The following PRMT5 variants were observed in gnomAD, a reference collection of about 807,000 sequenced individuals.
The protein encoded by PRMT5 is protein arginine methyltransferase 5, also known as protein arginine N-methyltransferase 5.
Under a neutral mutation model 84.0 loss-of-function variants are expected in PRMT5, and 15 were observed. The ratio of observed to expected loss-of-function variants is 0.18; its 90% confidence interval spans 0.12 to 0.28. The LOEUF is 0.28. Among genes scored for constraint, PRMT5 ranks in the 10% least tolerant of loss-of-function variants. The pLI, the probability that PRMT5 is intolerant of heterozygous loss-of-function variation, is 1.00. For synonymous variants in PRMT5, 276 were observed against 292.4 expected (o/e 0.94, Z 0.57); for missense variants, 486 against 808.0 (o/e 0.60, Z 4.83).
At position 22,924,198 on chromosome 14, in the gene PRMT5, A is replaced by G. The variant is rs753011846; in HGVS notation, c.1200-15T>C. 2.7e-5 allele frequency: 43 copies of G among 1,610,704 alleles called. No individual in the cohort carries two copies. The East Asian group carries it at 9.4e-4, about 35-fold the overall frequency. The stretch of plus-strand genomic sequence containing the variant: ...AGTTCTCTAGCCTGAAACAGAGACA[A>G]TAAGGTAAGGAGAGATGTTAAGGAA... On this transcript the variant is annotated splice_polypyrimidine_tract_variant and intron_variant, in intron 11 of 16. Transcript: ENST00000324366. This position sits in a 1 kb window ranked among gnomAD's most constrained non-coding sequence, Gnocchi z 6.5.
rs2044329755 is a variant in PRMT5, at chr14:22,922,738, C to T, written c.1579+4G>A. 4 of 1,613,532 alleles carry T rather than the reference C, an allele frequency of 2.5e-6. No homozygotes were observed. The highest frequency in any genetic ancestry group is 3.4e-6 in the Non-Finnish European group (4 of 1,179,662). On this transcript the variant is annotated splice_donor_region_variant and intron_variant, in intron 14 of 16. Transcript: ENST00000324366. ...AGTCAGAGGACAGCCATAAAAGAAC[C>T]TACCTCTGTTGGGATGGCTGAAGGT...
chr14:22,924,366 C>T lies in PRMT5; in HGVS notation c.1103G>A (p.Arg368Gln), dbSNP rs2139230176. ...CAGGGAAGCGTTCACCAGGGGTCCCCGTCCTGCTCCCAGCACCATCAGTAC... is the reference window on the plus strand; with the variant it reads ...CAGGGAAGCGTTCACCAGGGGTCCCTGTCCTGCTCCCAGCACCATCAGTAC... ...VQVLMVLGAG[R>Q]GPLVNASLRA... The change falls in exon 11 of 17, where the codon CGG (arginine) becomes CAG (glutamine). Residue 368 changes from arginine to glutamine, a missense_variant. Arg to Gln is a conservative substitution (Grantham distance 43). Coordinates refer to ENST00000324366, the MANE Select transcript of PRMT5 (RefSeq NM_006109.5). The surrounding 1 kb of genome is among the most constrained non-coding windows in gnomAD (Gnocchi z 6.5). 6 of 1,614,034 alleles carry T rather than the reference C, an allele frequency of 3.7e-6. No individual in the cohort carries two copies. Among genetic ancestry groups the T allele is most frequent in the Non-Finnish European group, 5.1e-6 (6 of 1,180,006 alleles).
Position 22,926,047 on chromosome 14 carries a change from C to G in PRMT5, c.777+86G>C. On this transcript the variant is annotated intron_variant, in intron 7 of 16. Transcript: ENST00000324366. ...TCCCCAGAAACCAAAGAAAAAGAGT[C>G]AGCCTCACAGGAAAAAACGATCATA... 2.2e-6 allele frequency: 3 copies of G among 1,357,742 alleles called. No individual in the cohort carries two copies. In the South Asian group the frequency reaches 4.5e-5, roughly 20 times the overall value. 84.1% of individuals were successfully genotyped at this position (1,357,742 alleles called of 1,614,324 possible). A position where few individuals can be genotyped will look rare whatever the true frequency, so the allele number is the denominator to read the frequency against.
chr14:22,924,632 C>T lies in PRMT5; in HGVS notation c.1017G>A (p.Gln339=). 6.2e-7 allele frequency: 1 copy of T among 1,614,000 alleles called. No homozygotes were observed. The highest frequency in any genetic ancestry group is 2.2e-5 in the East Asian group (1 of 44,884). The change falls in exon 9 of 17, where the codon CAG becomes CAA. Residue 339 remains glutamine, a splice_region_variant and synonymous_variant. Transcript: ENST00000324366. The surrounding 1 kb of genome is among the most constrained non-coding windows in gnomAD (Gnocchi z 6.5). ...CCTCACCCTGGGCACCACACAGTACCTGCTGGTACTGAGAGTATTTGATGG... is the reference window on the plus strand; with the variant it reads ...CCTCACCCTGGGCACCACACAGTACTTGCTGGTACTGAGAGTATTTGATGG... ...KDPIKYSQYQ[Q]AIYKCLLDRV... is the part of the protein sequence containing the mutation.
Position 22,920,587 on chromosome 14 carries a change from G to C in PRMT5, c.*317C>G, listed in dbSNP as rs45536732. On this transcript the variant is annotated 3_prime_UTR_variant, in exon 17 of 17. Coordinates refer to ENST00000324366, the MANE Select transcript of PRMT5 (RefSeq NM_006109.5). ...CTCTTACACAAAACCATCAAAACAA[G>C]AACAGAAAAAGGCTGAAAATCCGTT... 15,206 of 555,432 alleles carry C rather than the reference G, an allele frequency of 0.027. 280 individuals are homozygous for C. The highest frequency in any genetic ancestry group is 0.047 in the South Asian group (3,005 of 64,330). 34.4% of individuals were successfully genotyped at this position (555,432 alleles called of 1,614,324 possible). A position where few individuals can be genotyped will look rare whatever the true frequency, so the allele number is the denominator to read the frequency against.
chr14:22,928,813 C>T lies in PRMT5; in HGVS notation c.111-198G>A, dbSNP rs2044482589. Among the ~76,000 whole-genome samples the T allele has an allele frequency of 1.3e-5, 2 of 152,146 alleles. No homozygotes were observed. Among genetic ancestry groups the T allele is most frequent in the Non-Finnish European group, 2.9e-5 (2 of 68,028 alleles). ...CCTCAATTTCTCCCTAAAACACAGCCATGGGACATATGAGTAAGGAGAAAA... is the reference window on the plus strand; with the variant it reads ...CCTCAATTTCTCCCTAAAACACAGCTATGGGACATATGAGTAAGGAGAAAA... On this transcript the variant is annotated intron_variant, in intron 1 of 16. Transcript: ENST00000324366. The surrounding 1 kb of genome is among the most constrained non-coding windows in gnomAD (Gnocchi z 4.8).
In PRMT5 at chr14:22,922,359, C is replaced by T. The variant is rs762021573; in HGVS notation, c.1696+84G>A. 2.8e-5 allele frequency: 40 copies of T among 1,418,866 alleles called. 1 individual carries two copies. Among genetic ancestry groups the T allele is most frequent in the South Asian group, 6.9e-5 (6 of 86,666 alleles). 87.9% of individuals were successfully genotyped at this position (1,418,866 alleles called of 1,614,324 possible). ...TCCATTCATTGAGCACTGGGCCCCC[C>T]ATAAATCTAAATGACACATGTACAT... On this transcript the variant is annotated intron_variant, in intron 15 of 16. Transcript: ENST00000324366.
intron 16 of PRMT5, among the ~76,000 whole-genome samples, chr14:22,921,712 G>A (rs1005431995): frequency 4.7e-4 from 72 of 151,994 alleles, no homozygotes; most frequent in African/African-American, 1.5e-3. Flanking sequence ...GTAAAACCCC[G>A]TCTCTACTAA....
At chr14:22,927,031 G>T in intron 4 of PRMT5, 1 of 494,086 alleles carries the variant, frequency 2.0e-6, no homozygotes. Context: ...ACATTTACAT[G>T]TTTTGAAACT....
rs1271244612 is a variant in PRMT5 at position 22,923,432 on chromosome 14, T to C, written c.1376-272A>G. Reference sequence around the variant, plus strand: ...AGTCTAATCTGGTGGTTCTTAACTTTTGTGGGGTCACAAAGTCCCACAAAA... The same window carrying C: ...AGTCTAATCTGGTGGTTCTTAACTTCTGTGGGGTCACAAAGTCCCACAAAA... On this transcript the variant is annotated intron_variant, in intron 12 of 16. Transcript: ENST00000324366. The surrounding 1 kb of genome is among the most constrained non-coding windows in gnomAD (Gnocchi z 5.2). 3.6e-6 allele frequency: 1 copy of C among 278,456 alleles called. No homozygotes were observed. Among genetic ancestry groups the C allele is most frequent in the African/African-American group, 2.2e-5 (1 of 45,336 alleles). The allele number at this position is 278,456 out of a possible 1,614,324, so 17.2% of individuals were successfully genotyped here. A position where few individuals can be genotyped will look rare whatever the true frequency, so the allele number is the denominator to read the frequency against.
intron 4 of PRMT5, 74 bp downstream of exon 4, chr14:22,927,452 G>A: frequency 6.3e-7 from 1 of 1,579,578 alleles, no homozygotes; most frequent in Non-Finnish European, 8.7e-7. Context: ...TCACTGAATG[G>A]CTAGGCACAA....
intron 16 of PRMT5, among the ~76,000 whole-genome samples, chr14:22,921,340 G>T (rs1159842415): frequency 3.3e-5 from 5 of 152,168 alleles, no homozygotes; most frequent in African/African-American, 1.2e-4. Context: ...TAGAAGATAG[G>T]TTAACTGTGT....
Position 22,928,422 on chromosome 14 carries a change from G to A in PRMT5, c.229+75C>T. The A allele has an allele frequency of 1.5e-6, 2 of 1,318,840 alleles. No homozygotes were observed. The highest frequency in any genetic ancestry group is 2.2e-6 in the Non-Finnish European group (2 of 914,124). 81.7% of individuals were successfully genotyped at this position (1,318,840 alleles called of 1,614,324 possible). On this transcript the variant is annotated intron_variant, in intron 2 of 16. Coordinates refer to ENST00000324366, the MANE Select transcript of PRMT5 (RefSeq NM_006109.5). The surrounding 1 kb of genome is among the most constrained non-coding windows in gnomAD (Gnocchi z 4.8). The stretch of plus-strand genomic sequence containing the variant: ...CAAATATATCCAAGTCAGAAAAGGA[G>A]GAGAATGAGGGCCCCGATAAAGCAG...
chr14:22,926,682 A>G lies in PRMT5; in HGVS notation c.563+20T>C. ...CACCCTATCCCTTGCACCCTGGTAC[A>G]GCAGCAAAGGGAGACATACCACATC... On this transcript the variant is annotated intron_variant, in intron 5 of 16. Coordinates refer to ENST00000324366, the MANE Select transcript of PRMT5 (RefSeq NM_006109.5). The G allele has an allele frequency of 1.2e-6, 2 of 1,608,578 alleles. No individual in the cohort carries two copies. The highest frequency in any genetic ancestry group is 1.1e-5 in the South Asian group (1 of 90,980).
At chr14:22,922,021 C>G in intron 16 of PRMT5, 155 bp downstream of exon 16, 1 of 714,810 alleles carries the variant, frequency 1.4e-6, no homozygotes, top group South Asian at 1.8e-5. Context: ...GAAGGCCACT[C>G]CAAATACTCC....
At chr14:22,926,624 A>T (rs2044425023) in intron 5 of PRMT5, 69 bp from the exon 6 acceptor site, 5 of 1,603,676 alleles carry the variant, frequency 3.1e-6, no homozygotes, top group Admixed American at 1.7e-5. Context: ...GCTCAAGGAG[A>T]CCTCCCTACA....
chr14:22,924,869 C>G lies in PRMT5; in HGVS notation c.939+10G>C. The G allele has an allele frequency of 6.2e-7, 1 of 1,613,828 alleles. No homozygotes were observed. The highest frequency in any genetic ancestry group is 8.5e-7 in the Non-Finnish European group (1 of 1,179,818). On this transcript the variant is annotated intron_variant, in intron 8 of 16. Coordinates refer to ENST00000324366, the MANE Select transcript of PRMT5 (RefSeq NM_006109.5). The surrounding 1 kb of genome is among the most constrained non-coding windows in gnomAD (Gnocchi z 6.5). The stretch of plus-strand genomic sequence containing the variant: ...CCCACCTTCCTCCTCTAAGTGCACT[C>G]CAGACCCACCTGAAGCGGGGACTGC...
At chr14:22,929,098 T>G (rs2044490554) in intron 1 of PRMT5, 154 bp downstream of exon 1, 7 of 1,582,034 alleles carry the variant, frequency 4.4e-6, no homozygotes, top group Non-Finnish European at 5.2e-6. Flanking sequence ...CTCACGTTAC[T>G]GGGTCCGAGG....
chr14:22,925,623 C>T (rs1246867121), intron 7 of PRMT5, among the ~76,000 whole-genome samples: 1 of 151,860 alleles, frequency 6.6e-6, no homozygotes, highest in Admixed American at 6.6e-5. Flanking sequence ...CGTTCAAGAC[C>T]AGCCTGGCCA....
Sources: gnomAD v4.1 joint callset for allele counts (sites outside exome capture counted in the v4.1 genomes callset) on GRCh38, gnomAD v4.1.1 for gene constraint, Gnocchi (gnomAD v3.1) non-coding constraint, MANE v1.5 for transcripts, NCBI Gene and HGNC (gene_info 2026-07-23, HGNC 2026-07-21) for gene names.